C20orf96: variants seen among roughly 807,000 people sequenced by gnomAD.
C20orf96 encodes the protein chromosome 20 open reading frame 96.
C20orf96 carries 57 observed loss-of-function variants against 52.6 expected under a neutral mutation model. The observed-to-expected ratio is 1.08, with a 90% CI of 0.88 to 1.35. The LOEUF is 1.35. C20orf96 is among the 40% of genes most tolerant of loss of function. The pLI, the probability that C20orf96 is intolerant of heterozygous loss-of-function variation, is 0.00. For synonymous variants in C20orf96, 168 were observed against 157.2 expected (o/e 1.07, Z -0.51); for missense variants, 478 against 443.6 (o/e 1.08, Z -0.70).
chr20:274,160 G>A (rs1415325265), intron 10 of C20orf96, among the ~76,000 whole-genome samples: 3 of 151,990 alleles, frequency 2.0e-5, no homozygotes, highest in Non-Finnish European at 4.4e-5. Flanking sequence ...GTTCCAGTTG[G>A]AGAGGCTCTG....
rs368225357 is a variant in C20orf96, at chr20:271,043, A to AAGGGAGGG, written c.*156_*163dup. On this transcript the variant is annotated 3_prime_UTR_variant, in exon 11 of 11. Transcript: ENST00000360321. ...GGAGGAGGGAAGGGAAGGGGGGAAG[A>AAGGGAGGG]AGGGAGGGAGGGAGGGAGGGAAAGA... 5 of 511,624 alleles carry AAGGGAGGG rather than the reference A, an allele frequency of 9.8e-6. No homozygotes were observed. Among genetic ancestry groups the AAGGGAGGG allele is most frequent in the African/African-American group, 7.6e-5 (3 of 39,546 alleles). The allele number at this position is 511,624 out of a possible 1,614,324, so 31.7% of individuals were successfully genotyped here. A position where few individuals can be genotyped will look rare whatever the true frequency, so the allele number is the denominator to read the frequency against.
chr20:288,566 C>T (rs1055075866), intron 3 of C20orf96, among the ~76,000 whole-genome samples: 1 of 152,176 alleles, frequency 6.6e-6, no homozygotes, highest in African/African-American at 2.4e-5. Flanking sequence ...CTCCCCTCCC[C>T]CAGCCTACCT....
At chr20:271,606 G>C (rs2011843827) in intron 10 of C20orf96, among the ~76,000 whole-genome samples, 1 of 152,166 alleles carries the variant, frequency 6.6e-6, no homozygotes, top group Non-Finnish European at 1.5e-5. Flanking sequence ...ATGATCACTG[G>C]CTTTGGAGTG....
At position 279,179 on chromosome 20, in the gene C20orf96, G is replaced by T. The variant is rs1176212512; in HGVS notation, c.458C>A (p.Thr153Asn). Residue 153 changes from threonine to asparagine, a missense_variant, in exon 5 of 11, where the codon ACC becomes AAC. Thr to Asn is a moderately conservative substitution (Grantham distance 65). Coordinates refer to ENST00000360321, the MANE Select transcript of C20orf96 (RefSeq NM_153269.3). The stretch of plus-strand genomic sequence containing the variant: ...GGATGCCGCGGGTCTCACCGCCAGG[G>T]TGTCCTGCTGCTGCAGCAGGGCCCG... ...HVRALLQQQD[T>N]LATIIDILEY... The T allele has an allele frequency of 6.9e-6, 11 of 1,599,198 alleles. No individual in the cohort carries two copies. Among genetic ancestry groups the T allele is most frequent in the Non-Finnish European group, 9.4e-6 (11 of 1,176,356 alleles).
At chr20:283,415 T>C (rs1363166138) in intron 4 of C20orf96, among the ~76,000 whole-genome samples, 1 of 152,090 alleles carries the variant, frequency 6.6e-6, no homozygotes, top group Non-Finnish European at 1.5e-5. Flanking sequence ...GCCGGTCTCC[T>C]GCCTCAGCCT....
In C20orf96 at chr20:279,294, G is replaced by T; in HGVS notation, c.343C>A (p.Leu115Ile). Residue 115 changes from leucine to isoleucine, a missense_variant, in exon 5 of 11, where the codon CTC becomes ATC. Leu to Ile is a conservative substitution (Grantham distance 5, BLOSUM62 2). Transcript: ENST00000360321. Reference protein sequence around the residue: ...LRSGRAALRELRSRENFLSKL... With the variant: ...LRSGRAALREIRSRENFLSKL... ...CTGAGGAAGTTCTCACGGCTTCGGA[G>T]CTCTCGCAGAGCGGCCCTCCCGCTC... The T allele has an allele frequency of 6.2e-7, 1 of 1,608,986 alleles. No individual in the cohort carries two copies.
intron 4 of C20orf96, 101 bp downstream of exon 4, chr20:283,862 A>T: frequency 1.2e-6 from 1 of 809,352 alleles, no homozygotes; most frequent in Non-Finnish European, 2.1e-6. Flanking sequence ...GGAAGAAATG[A>T]GTCAAGTCTG....
chr20:285,035 C>T (rs2012349015), intron 3 of C20orf96, among the ~76,000 whole-genome samples: 1 of 152,122 alleles, frequency 6.6e-6, no homozygotes, highest in Admixed American at 6.5e-5. Context: ...GTTACTATAC[C>T]TTAAAGGTGT....
intron 5 of C20orf96, among the ~76,000 whole-genome samples, 163 bp downstream of exon 5, chr20:278,989 AGGGCGGGACGGCGGGAGGGC>A (rs2012134626): frequency 2.2e-4 from 1 of 4,536 alleles, no homozygotes; most frequent in African/African-American, 1.8e-3. Flanking sequence ...GGAGGGACGG[AGGGCGGGACGGCGGGAGGGC>A]GGGACGGAGG....
intron 6 of C20orf96, among the ~76,000 whole-genome samples, chr20:277,904 G>A (rs1423099038): frequency 1.3e-5 from 2 of 152,180 alleles, no homozygotes; most frequent in African/African-American, 2.4e-5. Flanking sequence ...CAGGATGGAA[G>A]CCAGGAGACC....
chr20:276,190 T>C, intron 9 of C20orf96, 104 bp from the exon 10 acceptor site: 1 of 1,584,718 alleles, frequency 6.3e-7, no homozygotes, highest in African/African-American at 1.3e-5. Flanking sequence ...GGGGAAATGG[T>C]ATGGGTTCTG....
Position 278,222 on chromosome 20 carries a change from C to G in C20orf96, c.565+108G>C, listed in dbSNP as rs1322711036. 9 of 821,016 alleles carry G rather than the reference C, an allele frequency of 1.1e-5. No individual in the cohort carries two copies. In the Admixed American group the frequency reaches 1.4e-4, roughly 13 times the overall value. 50.9% of individuals were successfully genotyped at this position (821,016 alleles called of 1,614,324 possible). A position where few individuals can be genotyped will look rare whatever the true frequency, so the allele number is the denominator to read the frequency against. On this transcript the variant is annotated intron_variant, in intron 6 of 10. Transcript: ENST00000360321. Reference sequence around the variant, plus strand: ...GCATTCCCATCTGCCAAGAAGAGAGCCAATGGGGCTGAGGGTTTCTGAATG... The same window carrying G: ...GCATTCCCATCTGCCAAGAAGAGAGGCAATGGGGCTGAGGGTTTCTGAATG...
intron 6 of C20orf96, among the ~76,000 whole-genome samples, 198 bp from the exon 7 acceptor site, chr20:277,581 T>C (rs750648916): frequency 1.2e-4 from 18 of 151,988 alleles, no homozygotes; most frequent in Admixed American, 7.2e-4. Context: ...GAAGAGGCAA[T>C]GCTGGGTAGG....
At chr20:282,076 C>T (rs1362856610) in intron 4 of C20orf96, among the ~76,000 whole-genome samples, 4 of 152,334 alleles carry the variant, frequency 2.6e-5, no homozygotes, top group Admixed American at 2.0e-4. Context: ...ACTACCTTGT[C>T]TCCACATCTC....
At chr20:278,142 C>A (rs181727487) in intron 6 of C20orf96, among the ~76,000 whole-genome samples, 188 bp downstream of exon 6, 1 of 152,184 alleles carries the variant, frequency 6.6e-6, no homozygotes, top group Admixed American at 6.5e-5. Context: ...GACCCAGATA[C>A]GGGGCCTGGA....
In C20orf96 at chr20:283,979, T is replaced by C. The variant is rs2122301959; in HGVS notation, c.290A>G (p.Lys97Arg). ...RKLDPGKMHAKIWLMKTSLRS... is the reference protein window; with the variant it reads ...RKLDPGKMHARIWLMKTSLRS... Reference sequence around the variant, plus strand: ...GCCTCATACCTTCATTAACCAGATTTTGGCATGCATCTTCCCAGGGTCCAA... The same window carrying C: ...GCCTCATACCTTCATTAACCAGATTCTGGCATGCATCTTCCCAGGGTCCAA... The change falls in exon 4 of 11, where the codon AAA (lysine) becomes AGA (arginine). Residue 97 changes from lysine to arginine, a missense_variant. Coordinates refer to ENST00000360321, the MANE Select transcript of C20orf96 (RefSeq NM_153269.3). 6.2e-7 allele frequency: 1 copy of C among 1,613,474 alleles called. No homozygotes were observed. Among genetic ancestry groups the C allele is most frequent in the Non-Finnish European group, 8.5e-7 (1 of 1,179,414 alleles).
chr20:274,533 G>A (rs561258650), intron 10 of C20orf96, among the ~76,000 whole-genome samples: 1 of 152,244 alleles, frequency 6.6e-6, no homozygotes, highest in African/African-American at 2.4e-5. Flanking sequence ...AGCTTTACCA[G>A]AATAAAGGTG....
intron 3 of C20orf96, among the ~76,000 whole-genome samples, chr20:288,327 G>A (rs908284641): frequency 6.6e-6 from 1 of 151,958 alleles, no homozygotes; most frequent in Admixed American, 6.5e-5. Context: ...TCCTCACTGG[G>A]AAGTGTTGGC....
At chr20:287,908 C>CAAAAATAAAA (rs2012427761) in intron 3 of C20orf96, among the ~76,000 whole-genome samples, 1 of 63,088 alleles carries the variant, frequency 1.6e-5, no homozygotes, top group Non-Finnish European at 3.0e-5. Context: ...GACTCCTTCT[C>CAAAAATAAAA]AAAAAAAAAA....
Sources: gnomAD v4.1 joint callset for allele counts (sites outside exome capture counted in the v4.1 genomes callset) on GRCh38, gnomAD v4.1.1 for gene constraint, MANE v1.5 for transcripts, NCBI Gene and HGNC (gene_info 2026-07-23, HGNC 2026-07-21) for gene names.